ANKRD44: variants seen among roughly 807,000 people sequenced by gnomAD.
ANKRD44 encodes serine/threonine-protein phosphatase 6 regulatory ankyrin repeat subunit B.
A neutral mutation model predicts 116.0 loss-of-function variants in ANKRD44; 35 were observed. The ratio of observed to expected loss-of-function variants is 0.30; its 90% CI spans 0.23 to 0.40. ANKRD44 has a LOEUF of 0.40. Among genes scored for constraint, ANKRD44 ranks in the 10% least tolerant of loss-of-function variants. The pLI is 1.00. For synonymous variants in ANKRD44, 435 were observed against 461.8 expected, an observed-to-expected ratio of 0.94 and a Z score of 0.74; for missense variants, 1,014 against 1,242.6, an observed-to-expected ratio of 0.82 and a Z score of 2.77.
intron 4 of ANKRD44, among the ~76,000 whole-genome samples, chr2:197,126,927 A>G (rs1346493019): frequency 6.6e-6 from 1 of 152,082 alleles, no homozygotes; most frequent in African/African-American, 2.4e-5. Flanking sequence ...TGACGTGATC[A>G]CAATGAGCTG....
chr2:197,262,990 A>C, intron 1 of ANKRD44: 1 of 206,692 alleles, frequency 4.8e-6, no homozygotes, highest in Non-Finnish European at 1.0e-5. Flanking sequence ...ACATTAAGCA[A>C]GATATCATAT....
intron 24 of ANKRD44, 45 bp downstream of exon 24, chr2:196,998,862 T>G (rs917377123): frequency 6.3e-7 from 1 of 1,595,770 alleles, no homozygotes; most frequent in Non-Finnish European, 8.5e-7. Flanking sequence ...ATTATTTTGG[T>G]TTTTGCATGG....
intron 1 of ANKRD44, among the ~76,000 whole-genome samples, chr2:197,276,103 C>T (rs908574150): frequency 6.6e-6 from 1 of 151,770 alleles, no homozygotes; most frequent in African/African-American, 2.4e-5. Context: ...TGGTGAAACC[C>T]TGTCTCTAGT....
intron 16 of ANKRD44, among the ~76,000 whole-genome samples, chr2:197,033,110 T>C (rs1304825779): frequency 6.6e-6 from 1 of 152,126 alleles, no homozygotes; most frequent in Non-Finnish European, 1.5e-5. Context: ...AGCTGATGCA[T>C]GAAGCCCCCA....
chr2:197,122,861 A>T (rs2078889342), intron 6 of ANKRD44, 69 bp from the exon 7 acceptor site: 1 of 1,548,068 alleles, frequency 6.5e-7, no homozygotes, highest in South Asian at 1.2e-5. Flanking sequence ...ATTTCACCTA[A>T]ATTATCAACT....
At chr2:196,981,433 T>G (rs2075800287) in intron 21 of ANKRD44, among the ~76,000 whole-genome samples, 1 of 152,214 alleles carries the variant, frequency 6.6e-6, no homozygotes, top group South Asian at 2.1e-4. Context: ...TGATTATAAA[T>G]CTTGAGTGTA....
At chr2:197,088,584 T>C in intron 12 of ANKRD44, 127 bp downstream of exon 12, 2 of 550,718 alleles carry the variant, frequency 3.6e-6, no homozygotes, top group East Asian at 3.2e-5. Context: ...CATAGTGATA[T>C]TTGATAATTA....
intron 1 of ANKRD44, among the ~76,000 whole-genome samples, chr2:197,206,778 A>C (rs543805941): frequency 1.3e-5 from 2 of 152,324 alleles, no homozygotes; most frequent in African/African-American, 4.8e-5. Flanking sequence ...ATAGTAGGGA[A>C]AGGATGTACA....
intron 13 of ANKRD44, among the ~76,000 whole-genome samples, chr2:197,085,043 C>T (rs2077888191): frequency 6.6e-6 from 1 of 152,162 alleles, no homozygotes; most frequent in Admixed American, 6.5e-5. Flanking sequence ...ATTTGCTGTA[C>T]ATTACTTATT....
intron 17 of ANKRD44, among the ~76,000 whole-genome samples, chr2:197,024,231 TA>T (rs1454134771): frequency 7.2e-5 from 11 of 152,204 alleles, no homozygotes; most frequent in Non-Finnish European, 4.4e-5. Context: ...TATGTACACA[TA>T]GTATTAAGTG....
chr2:197,009,360 G>C (rs1174891050), intron 18 of ANKRD44, among the ~76,000 whole-genome samples: 1 of 151,980 alleles, frequency 6.6e-6, no homozygotes, highest in African/African-American at 2.4e-5. Flanking sequence ...CCAAAGTGCT[G>C]GGATTACAGG....
At chr2:197,269,475 T>C (rs1470931635) in intron 1 of ANKRD44, among the ~76,000 whole-genome samples, 4 of 152,138 alleles carry the variant, frequency 2.6e-5, no homozygotes, top group African/African-American at 4.8e-5. Context: ...ACTGTAACTA[T>C]GGAAGATAGC....
chr2:197,250,475 T>C (rs1286401699), intron 1 of ANKRD44, among the ~76,000 whole-genome samples: 1 of 152,110 alleles, frequency 6.6e-6, no homozygotes, highest in Non-Finnish European at 1.5e-5. Context: ...CTTCATTCAT[T>C]CATCCCGAGG....
intron 2 of ANKRD44, among the ~76,000 whole-genome samples, chr2:197,157,956 G>A (rs1197122677): frequency 1.3e-5 from 2 of 152,146 alleles, no homozygotes; most frequent in Admixed American, 6.5e-5. Flanking sequence ...TCTCTGCTGG[G>A]GAAAGTTGAT....
intron 8 of ANKRD44, among the ~76,000 whole-genome samples, chr2:197,113,961 G>A (rs1017510976): frequency 6.6e-6 from 1 of 152,048 alleles, no homozygotes; most frequent in African/African-American, 2.4e-5. Context: ...AGCCATTTTG[G>A]GACAACTTTG....
At chr2:197,146,353 T>TATGCTTTC (rs897135073) in intron 3 of ANKRD44, among the ~76,000 whole-genome samples, 3 of 152,200 alleles carry the variant, frequency 2.0e-5, no homozygotes, top group Non-Finnish European at 4.4e-5. Context: ...TCCATGTTTT[T>TATGCTTTC]ATGCTTTCAT....
chr2:197,048,698 T>C (rs1334791200), intron 16 of ANKRD44, among the ~76,000 whole-genome samples: 1 of 152,236 alleles, frequency 6.6e-6, no homozygotes, highest in Non-Finnish European at 1.5e-5. Flanking sequence ...CCTTTGGCTA[T>C]ATACTCAGTA....
chr2:197,030,667 A>G (rs1574311483), intron 16 of ANKRD44, among the ~76,000 whole-genome samples: 2 of 152,152 alleles, frequency 1.3e-5, no homozygotes, highest in African/African-American at 4.8e-5. Flanking sequence ...AGGCCCACCT[A>G]AAGGCCACTC....
intron 4 of ANKRD44, among the ~76,000 whole-genome samples, chr2:197,131,385 G>T (rs2079092293): frequency 6.6e-6 from 1 of 151,798 alleles, no homozygotes. Context: ...TAGAGACGGG[G>T]TTTCACCATG....
Sources: gnomAD v4.1 joint callset for allele counts (sites outside exome capture counted in the v4.1 genomes callset) on GRCh38, gnomAD v4.1.1 for gene constraint, MANE v1.5 for transcripts, NCBI Gene and HGNC (gene_info 2026-07-23, HGNC 2026-07-21) for gene names.